ST8SIA5: variants seen among roughly 807,000 people sequenced by gnomAD.
ST8SIA5 encodes ST8 alpha-N-acetyl-neuraminide alpha-2,8-sialyltransferase 5.
ST8SIA5 carries 24 observed loss-of-function variants against 40.2 expected under a neutral mutation model. That is an observed-to-expected ratio of 0.60 (90% CI 0.43 to 0.84). ST8SIA5 has a LOEUF of 0.84. ST8SIA5 is among the 40% of genes least tolerant of loss of function. The pLI is 0.00. For synonymous variants in ST8SIA5, 198 were observed against 201.8 expected, an observed-to-expected ratio of 0.98 and a Z score of 0.16; for missense variants, 465 against 498.5, an observed-to-expected ratio of 0.93 and a Z score of 0.64.
chr18:46,728,207 A>C (rs992245625), intron 1 of ST8SIA5, among the ~76,000 whole-genome samples: 2 of 152,070 alleles, frequency 1.3e-5, no homozygotes, highest in Non-Finnish European at 2.9e-5. Flanking sequence ...AAAAAAAAAA[A>C]AACTATAGAG....
chr18:46,705,472 C>T (rs1284830647), intron 1 of ST8SIA5, among the ~76,000 whole-genome samples: 1 of 152,260 alleles, frequency 6.6e-6, no homozygotes, highest in African/African-American at 2.4e-5. Flanking sequence ...GAAATTGACA[C>T]AAGCATCCTG....
chr18:46,704,496 G>T, intron 2 of ST8SIA5, 76 bp downstream of exon 2: 1 of 1,283,758 alleles, frequency 7.8e-7, no homozygotes, highest in Non-Finnish European at 1.1e-6. Context: ...TTCCACCCTT[G>T]CCCCCACGCA....
intron 1 of ST8SIA5, among the ~76,000 whole-genome samples, chr18:46,755,177 AGTG>A (rs1212391000): frequency 6.6e-6 from 1 of 152,172 alleles, no homozygotes; most frequent in Non-Finnish European, 1.5e-5. Context: ...AAACAGCCTA[AGTG>A]CTCGGCTTTT....
intron 1 of ST8SIA5, among the ~76,000 whole-genome samples, chr18:46,746,341 C>T (rs1197033623): frequency 2.0e-5 from 3 of 152,144 alleles, no homozygotes; most frequent in African/African-American, 4.8e-5. Context: ...CCAAAATCTC[C>T]TTAAGCTGAT....
At chr18:46,709,816 T>C (rs1341765710) in intron 1 of ST8SIA5, among the ~76,000 whole-genome samples, 1 of 152,244 alleles carries the variant, frequency 6.6e-6, no homozygotes, top group Non-Finnish European at 1.5e-5. Flanking sequence ...TAAATACTTT[T>C]CTGTGTTTTT....
chr18:46,694,960 A>G lies in ST8SIA5; in HGVS notation c.225-2705T>C, dbSNP rs557562332. ...GATCATCTGAGGTCAGGAGTTTGAG[A>G]CCAGCCTGGCCAACATAGTGAAACC... On this transcript the variant is annotated intron_variant, in intron 2 of 6. Transcript: ENST00000315087. Among the ~76,000 whole-genome samples, 138 of 152,166 alleles carry G rather than the reference A, an allele frequency of 9.1e-4. 2 individuals carry two copies. In the South Asian group the frequency reaches 0.026, roughly 29 times the overall value.
At chr18:46,724,256 G>A (rs2039892129) in intron 1 of ST8SIA5, among the ~76,000 whole-genome samples, 1 of 152,222 alleles carries the variant, frequency 6.6e-6, no homozygotes, top group Non-Finnish European at 1.5e-5. Flanking sequence ...CCAGACCCTG[G>A]GCTGAGGAGG....
intron 1 of ST8SIA5, among the ~76,000 whole-genome samples, chr18:46,749,567 T>A (rs771088104): frequency 1.3e-5 from 2 of 152,172 alleles, no homozygotes; most frequent in Non-Finnish European, 2.9e-5. Context: ...AGATAAACTA[T>A]TATCAGTATG....
intron 1 of ST8SIA5, among the ~76,000 whole-genome samples, chr18:46,722,666 T>C (rs1464602002): frequency 1.3e-5 from 2 of 152,238 alleles, no homozygotes; most frequent in Admixed American, 6.5e-5. Context: ...TATAGGATGC[T>C]GAGCAACATC....
intron 1 of ST8SIA5, among the ~76,000 whole-genome samples, chr18:46,712,831 A>G (rs1331842051): frequency 6.6e-6 from 1 of 152,196 alleles, no homozygotes; most frequent in East Asian, 1.9e-4. Context: ...ACTCTTCCAA[A>G]AAAAAAGCAG....
At chr18:46,688,660 C>G in intron 4 of ST8SIA5, 115 bp downstream of exon 4, 1 of 1,351,156 alleles carries the variant, frequency 7.4e-7, no homozygotes, top group Non-Finnish European at 1.0e-6. Flanking sequence ...ACCAAGACAA[C>G]TGAGTCCAGA....
At chr18:46,681,700 G>A (rs1012979159) in intron 6 of ST8SIA5, among the ~76,000 whole-genome samples, 2 of 152,184 alleles carry the variant, frequency 1.3e-5, no homozygotes, top group African/African-American at 4.8e-5. Flanking sequence ...CAATGTCCGA[G>A]TAAGCACATA....
At chr18:46,690,715 G>A (rs897684605) in intron 3 of ST8SIA5, among the ~76,000 whole-genome samples, 1 of 148,548 alleles carries the variant, frequency 6.7e-6, no homozygotes, top group African/African-American at 2.5e-5. Flanking sequence ...CCGGGTTCAA[G>A]CAATTCTCCT....
rs962971840 is a variant in ST8SIA5, at chr18:46,679,673, G to T, written c.*369C>A. ...TTCTCTGTAGGGTCTTCCTTCAGCT[G>T]CAACAAGGGCCTGCAGTTTGTGCTC... On this transcript the variant is annotated 3_prime_UTR_variant, in exon 7 of 7. Coordinates refer to ENST00000315087, the MANE Select transcript of ST8SIA5 (RefSeq NM_013305.6). 10 of 284,318 alleles carry T rather than the reference G, an allele frequency of 3.5e-5. No individual in the cohort carries two copies. Among genetic ancestry groups the T allele is most frequent in the Non-Finnish European group, 6.7e-6 (1 of 149,140 alleles). 17.6% of individuals were successfully genotyped at this position (284,318 alleles called of 1,614,324 possible).
intron 2 of ST8SIA5, among the ~76,000 whole-genome samples, chr18:46,699,302 G>A (rs965173941): frequency 1.3e-5 from 2 of 152,164 alleles, no homozygotes; most frequent in African/African-American, 4.8e-5. Context: ...CCCCTCAATT[G>A]TGGAAATGTG....
chr18:46,722,235 T>C (rs569404668), intron 1 of ST8SIA5, among the ~76,000 whole-genome samples: 181 of 152,178 alleles, frequency 1.2e-3, no homozygotes, highest in African/African-American at 4.2e-3. Flanking sequence ...CAAAAAGCAG[T>C]CAGACAACCC....
intron 1 of ST8SIA5, among the ~76,000 whole-genome samples, chr18:46,721,911 C>T (rs968445579): frequency 6.6e-6 from 1 of 152,334 alleles, no homozygotes; most frequent in Non-Finnish European, 1.5e-5. Context: ...AAGGATACCA[C>T]TTTTGGTTCA....
At chr18:46,727,782 C>T (rs953820440) in intron 1 of ST8SIA5, among the ~76,000 whole-genome samples, 1 of 152,164 alleles carries the variant, frequency 6.6e-6, no homozygotes, top group Non-Finnish European at 1.5e-5. Context: ...TTTCTTCCTT[C>T]TCTCCTTTAA....
chr18:46,704,084 G>A (rs776061814), intron 2 of ST8SIA5, among the ~76,000 whole-genome samples: 1 of 152,094 alleles, frequency 6.6e-6, no homozygotes, highest in South Asian at 2.1e-4. Flanking sequence ...GGGAGAACTC[G>A]GTGGCTCTTC....
Sources: allele counts gnomAD v4.1 joint callset (sites outside exome capture counted in the v4.1 genomes callset), GRCh38; gene constraint gnomAD v4.1.1; transcripts MANE v1.5; gene names NCBI Gene and HGNC (gene_info 2026-07-23, HGNC 2026-07-21).